HTR2C: variants seen among roughly 807,000 people sequenced by gnomAD.
The protein encoded by HTR2C is 5-hydroxytryptamine (serotonin) receptor 2C, G protein-coupled.
In HTR2C, 5 loss-of-function variants were observed where a neutral mutation model predicts 21.0. The ratio of observed to expected loss-of-function variants is 0.24; its 90% CI spans 0.12 to 0.50. The LOEUF (loss-of-function observed/expected upper bound fraction) is 0.50. Ranked by LOEUF, HTR2C falls within the 20% of genes least tolerant of loss-of-function variation. The pLI, the probability that HTR2C is intolerant of heterozygous loss-of-function variation, is 0.98. For synonymous variants in HTR2C, 150 were observed against 145.3 expected (o/e 1.03, Z -0.23); for missense variants, 271 against 371.2 (o/e 0.73, Z 2.22).
intron 4 of HTR2C, among the ~76,000 whole-genome samples, chrX:114,740,749 A>G (rs1376094860): frequency 8.9e-6 from 1 of 111,897 alleles, no homozygotes; most frequent in Admixed American, 9.5e-5. Context: ...GACCCAAATA[A>G]CTTTAATACA....
chrX:114,637,508 A>C (rs1374368831), intron 2 of HTR2C, among the ~76,000 whole-genome samples: 2 of 111,954 alleles, frequency 1.8e-5, no homozygotes, highest in Non-Finnish European at 3.8e-5. Context: ...TAAAGACCAA[A>C]TTTGAAAGTA....
chrX:114,695,990 G>A (rs1174919342), intron 2 of HTR2C, among the ~76,000 whole-genome samples: 3 of 111,804 alleles, frequency 2.7e-5, no homozygotes, highest in African/African-American at 9.8e-5. Flanking sequence ...ATTAACAACA[G>A]GAATCACATA....
chrX:114,700,854 C>A (rs950267657), intron 2 of HTR2C, among the ~76,000 whole-genome samples: 9 of 112,421 alleles, frequency 8.0e-5, no homozygotes, highest in Non-Finnish European at 1.5e-4. Flanking sequence ...TCACTCCCAC[C>A]CCAATACTGC....
intron 4 of HTR2C, among the ~76,000 whole-genome samples, chrX:114,834,540 T>G (rs1441186239): frequency 9.0e-6 from 1 of 110,715 alleles, no homozygotes; most frequent in African/African-American, 3.3e-5. Context: ...TTTTCTTTTT[T>G]TGTTTTCCAT....
chrX:114,741,546 AAAAT>A (rs2069647980), intron 4 of HTR2C, among the ~76,000 whole-genome samples: 2 of 90,019 alleles, frequency 2.2e-5, no homozygotes, highest in Non-Finnish European at 4.4e-5. Flanking sequence ...AAAAAAAAAA[AAAAT>A]ATGAGATTGG....
intron 4 of HTR2C, chrX:114,823,544 A>G (rs1055349463): frequency 8.8e-6 from 3 of 341,402 alleles, no homozygotes; most frequent in Non-Finnish European, 1.8e-5. Context: ...AGGATGTCCC[A>G]TCTCCCAGCC....
At chrX:114,678,565 A>AT (rs1435700982) in intron 2 of HTR2C, among the ~76,000 whole-genome samples, 1 of 111,538 alleles carries the variant, frequency 9.0e-6, no homozygotes, top group East Asian at 2.8e-4. Flanking sequence ...ATAGAGCCTC[A>AT]TGAGTAATTA....
intron 5 of HTR2C, among the ~76,000 whole-genome samples, chrX:114,866,203 T>C (rs2071044472): frequency 9.0e-6 from 1 of 111,423 alleles, no homozygotes; most frequent in Non-Finnish European, 1.9e-5. Context: ...AGTTTTTAAT[T>C]GTCATGAAAT....
intron 2 of HTR2C, among the ~76,000 whole-genome samples, chrX:114,719,759 C>T (rs1337143324): frequency 2.7e-5 from 3 of 110,955 alleles, no homozygotes; most frequent in African/African-American, 6.5e-5. Context: ...CAGGAATATA[C>T]ATGTAAAAAA....
chrX:114,794,956 A>T (rs1283922011), intron 4 of HTR2C, among the ~76,000 whole-genome samples: 5 of 109,002 alleles, frequency 4.6e-5, no homozygotes, highest in Non-Finnish European at 9.6e-5. Flanking sequence ...CGCCACACTG[A>T]CTTCCACAAT....
intron 2 of HTR2C, among the ~76,000 whole-genome samples, chrX:114,686,696 T>A (rs782074657): frequency 4.9e-4 from 53 of 107,376 alleles, no homozygotes; most frequent in East Asian, 3.4e-3. Flanking sequence ...ATTTAAAAAA[T>A]TTTTTTAAAT....
chrX:114,738,509 G>A (rs1447416075), intron 4 of HTR2C, among the ~76,000 whole-genome samples: 2 of 104,190 alleles, frequency 1.9e-5, no homozygotes, highest in Non-Finnish European at 3.9e-5. Context: ...TACTATTCTA[G>A]TAACATTGTG....
chrX:114,625,859 C>T (rs782592469), intron 2 of HTR2C, among the ~76,000 whole-genome samples: 1 of 110,952 alleles, frequency 9.0e-6, no homozygotes, highest in Non-Finnish European at 1.9e-5. Flanking sequence ...TGGTCTGTGG[C>T]CTTACTGGGT....
At chrX:114,595,867 T>C (rs1388661104) in intron 1 of HTR2C, among the ~76,000 whole-genome samples, 2 of 111,930 alleles carry the variant, frequency 1.8e-5, no homozygotes, top group Admixed American at 9.5e-5. Flanking sequence ...AGCTATCTGG[T>C]TGCACTTTAG....
chrX:114,901,489 G>A (rs782635595), intron 5 of HTR2C, among the ~76,000 whole-genome samples: 4 of 111,498 alleles, frequency 3.6e-5, no homozygotes, highest in African/African-American at 1.3e-4. Flanking sequence ...TAGTGGTAAC[G>A]TTATATTTTG....
In HTR2C at chrX:114,908,789, T is replaced by C. The variant is rs1602937363; in HGVS notation, c.*1374T>C. 1 of 112,755 alleles carries C rather than the reference T, an allele frequency of 8.9e-6. No individual in the cohort carries two copies. The highest frequency in any genetic ancestry group is 2.8e-4 in the East Asian group (1 of 3,582). The allele number at this position is 112,755 out of a possible 1,213,427, so 9.3% of individuals were successfully genotyped here. The stretch of plus-strand genomic sequence containing the variant: ...TAAGAATTCAGTAGCATTTTAATAG[T>C]TTCTAAACCATGAAAAGTTTTCAAG... On this transcript the variant is annotated 3_prime_UTR_variant, in exon 6 of 6. Transcript: ENST00000276198.
At chrX:114,725,774 G>A (rs1355706061) in intron 2 of HTR2C, among the ~76,000 whole-genome samples, 11 of 110,799 alleles carry the variant, frequency 9.9e-5, no homozygotes, top group African/African-American at 2.9e-4. Context: ...GTACCCGGCC[G>A]TGTGAGGTGT....
chrX:114,837,441 T>C (rs1384978987), intron 4 of HTR2C, among the ~76,000 whole-genome samples: 1 of 111,858 alleles, frequency 8.9e-6, no homozygotes, highest in Non-Finnish European at 1.9e-5. Flanking sequence ...ATTAAGAGAG[T>C]ACGTGTGCAG....
intron 5 of HTR2C, among the ~76,000 whole-genome samples, chrX:114,851,375 A>C (rs905716666): frequency 8.0e-5 from 9 of 112,307 alleles, no homozygotes; most frequent in African/African-American, 2.9e-4. Flanking sequence ...AAATGACTTC[A>C]AAATAGTAGA....
Sources: allele counts gnomAD v4.1 joint callset (sites outside exome capture counted in the v4.1 genomes callset), GRCh38; gene constraint gnomAD v4.1.1; transcripts MANE v1.5; gene names NCBI Gene and HGNC (gene_info 2026-07-23, HGNC 2026-07-21).